The following PPP1R9A variants were observed in gnomAD, a reference collection of about 807,000 sequenced individuals.
PPP1R9A encodes neurabin-1.
In PPP1R9A, 59 loss-of-function variants were observed where a neutral mutation model predicts 141.9. The observed-to-expected ratio is 0.42, with a 90% CI of 0.34 to 0.52. The LOEUF (loss-of-function observed/expected upper bound fraction) is 0.52, where lower values mean the gene tolerates loss of function less well. Among genes scored for constraint, PPP1R9A ranks in the 20% least tolerant of loss-of-function variants. PPP1R9A has a pLI of 0.10. For missense variants in PPP1R9A, 1,444 were observed against 1,611.9 expected, an observed-to-expected ratio of 0.90 and a Z score of 1.78; for synonymous variants, 500 against 569.7, an observed-to-expected ratio of 0.88 and a Z score of 1.74.
chr7:95,156,728 A>C (rs1829672790), intron 4 of PPP1R9A: 1 of 152,282 alleles, frequency 6.6e-6, no homozygotes, highest in African/African-American at 2.4e-5. Flanking sequence ...AGCTCTCAGC[A>C]GAGAGGTGGC....
At chr7:94,999,484 C>T (rs1802591266) in intron 2 of PPP1R9A, among the ~76,000 whole-genome samples, 1 of 152,166 alleles carries the variant, frequency 6.6e-6, no homozygotes. Context: ...TATGTTGCTG[C>T]TATTCTATTA....
chr7:94,945,636 A>T (rs1795815804), intron 2 of PPP1R9A, among the ~76,000 whole-genome samples: 1 of 152,098 alleles, frequency 6.6e-6, no homozygotes, highest in Non-Finnish European at 1.5e-5. Flanking sequence ...AATAGGCTAA[A>T]TATTTATGAA....
At chr7:95,288,510 A>G in intron 18 of PPP1R9A, 26 bp from the exon 19 acceptor site, 2 of 1,608,634 alleles carry the variant, frequency 1.2e-6, no homozygotes, top group Non-Finnish European at 8.5e-7. Context: ...GTCCTTTAAC[A>G]ACACTACGTA....
intron 2 of PPP1R9A, among the ~76,000 whole-genome samples, chr7:95,021,792 T>G (rs1806006102): frequency 6.6e-6 from 1 of 152,174 alleles, no homozygotes; most frequent in Non-Finnish European, 1.5e-5. Context: ...ATGTGTGGTG[T>G]TATTTCCAAG....
At chr7:95,283,717 C>T (rs570777657) in intron 16 of PPP1R9A, among the ~76,000 whole-genome samples, 14 of 152,148 alleles carry the variant, frequency 9.2e-5, no homozygotes, top group Admixed American at 1.3e-4. Flanking sequence ...AATAGCAGTT[C>T]CTAAAAGACT....
intron 2 of PPP1R9A, among the ~76,000 whole-genome samples, chr7:95,003,016 A>C (rs1803149893): frequency 6.6e-6 from 1 of 152,136 alleles, no homozygotes; most frequent in Admixed American, 6.6e-5. Flanking sequence ...ATAACTTGTA[A>C]AAAAAGTCCC....
At chr7:95,141,671 G>C (rs1463984790) in intron 4 of PPP1R9A, among the ~76,000 whole-genome samples, 1 of 151,256 alleles carries the variant, frequency 6.6e-6, no homozygotes, top group Non-Finnish European at 1.5e-5. Flanking sequence ...CGTTTTCAAG[G>C]TTCATTCATG....
intron 3 of PPP1R9A, among the ~76,000 whole-genome samples, chr7:95,118,627 T>A (rs911273571): frequency 1.3e-5 from 2 of 152,004 alleles, no homozygotes; most frequent in Non-Finnish European, 2.9e-5. Flanking sequence ...AGGCATAAGT[T>A]GGTTATAAGT....
intron 3 of PPP1R9A, among the ~76,000 whole-genome samples, chr7:95,112,686 A>G (rs1023385704): frequency 1.3e-5 from 2 of 152,238 alleles, no homozygotes; most frequent in African/African-American, 4.8e-5. Flanking sequence ...ATTCATCAAT[A>G]GATGACTGGA....
At chr7:95,202,012 G>A (rs144812458) in intron 6 of PPP1R9A, among the ~76,000 whole-genome samples, 119 of 152,284 alleles carry the variant, frequency 7.8e-4, no homozygotes, top group African/African-American at 2.7e-3. Flanking sequence ...CATTGACAGA[G>A]GGTATTTGCT....
intron 2 of PPP1R9A, among the ~76,000 whole-genome samples, chr7:94,923,973 A>G (rs1353443668): frequency 6.6e-6 from 1 of 152,194 alleles, no homozygotes; most frequent in Non-Finnish European, 1.5e-5. Context: ...TTTGTTAAGT[A>G]TTCTTAAACC....
At chr7:95,103,280 C>T (rs966352110) in intron 2 of PPP1R9A, among the ~76,000 whole-genome samples, 1 of 150,832 alleles carries the variant, frequency 6.6e-6, no homozygotes, top group Non-Finnish European at 1.5e-5. Flanking sequence ...CCTTGACAAA[C>T]GTAGGCTTCC....
intron 2 of PPP1R9A, among the ~76,000 whole-genome samples, chr7:95,065,337 T>A (rs1231951466): frequency 2.0e-5 from 3 of 152,206 alleles, no homozygotes; most frequent in Admixed American, 6.5e-5. Context: ...AGTACTAGGA[T>A]TACAGGCGTG....
chr7:95,196,674 TC>T (rs1375128976), intron 5 of PPP1R9A, among the ~76,000 whole-genome samples: 2 of 152,112 alleles, frequency 1.3e-5, no homozygotes, highest in African/African-American at 4.8e-5. Flanking sequence ...AACCTCCAAA[TC>T]ATTGTGGTGA....
intron 4 of PPP1R9A, among the ~76,000 whole-genome samples, chr7:95,149,409 C>A (rs1186862385): frequency 1.3e-5 from 2 of 152,028 alleles, no homozygotes; most frequent in African/African-American, 4.8e-5. Flanking sequence ...ATGAACAATA[C>A]ACAGATTTGG....
At chr7:95,033,207 G>A (rs968046520) in intron 2 of PPP1R9A, among the ~76,000 whole-genome samples, 11 of 141,446 alleles carry the variant, frequency 7.8e-5, no homozygotes, top group African/African-American at 2.4e-4. Context: ...GTAGAGACGG[G>A]TTTTCACCGT....
intron 2 of PPP1R9A, among the ~76,000 whole-genome samples, chr7:94,997,590 AGCATCTT>A (rs1802358091): frequency 6.6e-6 from 1 of 152,184 alleles, no homozygotes; most frequent in Non-Finnish European, 1.5e-5. Context: ...TCAGAACTCA[AGCATCTT>A]GCAGCCCAGT....
intron 2 of PPP1R9A, among the ~76,000 whole-genome samples, chr7:94,911,785 G>A (rs1791478911): frequency 6.6e-6 from 1 of 152,170 alleles, no homozygotes; most frequent in Non-Finnish European, 1.5e-5. Flanking sequence ...CAATGAACTG[G>A]AGTATGAGTA....
At chr7:95,031,220 T>C (rs1040955805) in intron 2 of PPP1R9A, among the ~76,000 whole-genome samples, 15 of 152,234 alleles carry the variant, frequency 9.9e-5, no homozygotes, top group Admixed American at 4.6e-4. Context: ...GTTGAAGGAA[T>C]AACTTAATAT....
Sources: gnomAD v4.1 joint callset for allele counts (sites outside exome capture counted in the v4.1 genomes callset) on GRCh38, gnomAD v4.1.1 for gene constraint, MANE v1.5 for transcripts, NCBI Gene and HGNC (gene_info 2026-07-23, HGNC 2026-07-21) for gene names.